Variants in ZC3H6 observed in about 807,000 individuals in gnomAD.
ZC3H6 encodes zinc finger CCCH domain-containing protein 6.
Under a neutral mutation model 107.7 loss-of-function variants are expected in ZC3H6, and 40 were observed. The observed-to-expected ratio is 0.37, with a 90% CI of 0.29 to 0.48. The LOEUF is 0.48. Ranked by LOEUF, ZC3H6 falls within the 20% of genes least tolerant of loss-of-function variation. ZC3H6 has a pLI of 0.98. For synonymous variants in ZC3H6, 493 were observed against 487.9 expected (o/e 1.01, Z -0.14); for missense variants, 1,267 against 1,410.4 (o/e 0.90, Z 1.63).
intron 5 of ZC3H6, among the ~76,000 whole-genome samples, chr2:112,316,233 A>G (rs1375668371): frequency 6.6e-6 from 1 of 150,836 alleles, no homozygotes; most frequent in African/African-American, 2.5e-5. Context: ...ATTTTATTTA[A>G]AAAGTTATTC....
In ZC3H6 at chr2:112,324,762, G is replaced by A. The variant is rs1676876340; in HGVS notation, c.1852+99G>A. 4.7e-6 allele frequency: 6 copies of A among 1,273,692 alleles called. No homozygotes were observed. The South Asian group carries it at 4.8e-5, about 10-fold the overall frequency. The allele number at this position is 1,273,692 out of a possible 1,614,324, so 78.9% of individuals were successfully genotyped here. Reference sequence around the variant, plus strand: ...AAACGTAAGTTTTAAGTAAAGCTGAGTAAAATTGATAAGATTGAAACCTTA... The same window carrying A: ...AAACGTAAGTTTTAAGTAAAGCTGAATAAAATTGATAAGATTGAAACCTTA... On this transcript the variant is annotated intron_variant, in intron 10 of 11. Transcript: ENST00000409871.
chr2:112,305,767 A>T (rs1402744771), intron 3 of ZC3H6, among the ~76,000 whole-genome samples: 3 of 152,164 alleles, frequency 2.0e-5, no homozygotes, highest in Non-Finnish European at 4.4e-5. Context: ...TGTTTATTTT[A>T]TCCTCATTTT....
chr2:112,311,705 T>C, intron 4 of ZC3H6, 99 bp from the exon 5 acceptor site: 1 of 1,085,790 alleles, frequency 9.2e-7, no homozygotes. Context: ...GAATGCACTG[T>C]ATATTATAGA....
intron 1 of ZC3H6, among the ~76,000 whole-genome samples, chr2:112,297,903 T>G (rs1676272894): frequency 8.5e-5 from 13 of 152,254 alleles, no homozygotes; most frequent in Admixed American, 8.5e-4. Context: ...TCACTTGAGG[T>G]CAGGAGTTTG....
rs1306965006 is a variant in ZC3H6 at position 112,275,612 on chromosome 2, C to T, written c.-383C>T. Reference sequence around the variant, plus strand: ...TGCGGCCGGCGCCATTTTCTCGAGCCGCCTGTTTCGGGTGCCGCCATGTTG... The same window carrying T: ...TGCGGCCGGCGCCATTTTCTCGAGCTGCCTGTTTCGGGTGCCGCCATGTTG... On this transcript the variant is annotated 5_prime_UTR_variant, in exon 1 of 12. Coordinates refer to ENST00000409871, the MANE Select transcript of ZC3H6 (RefSeq NM_198581.3). 2.5e-6 allele frequency: 1 copy of T among 401,064 alleles called. No homozygotes were observed. Among genetic ancestry groups the T allele is most frequent in the African/African-American group, 2.1e-5 (1 of 48,606 alleles). 24.8% of individuals were successfully genotyped at this position (401,064 alleles called of 1,614,324 possible).
chr2:112,295,766 A>T (rs943757071), intron 1 of ZC3H6, among the ~76,000 whole-genome samples: 5 of 152,230 alleles, frequency 3.3e-5, no homozygotes, highest in South Asian at 2.1e-4. Flanking sequence ...ACTAAAAAAA[A>T]TTTTAAAAGC....
chr2:112,301,699 A>G (rs1420567082), intron 2 of ZC3H6, among the ~76,000 whole-genome samples: 3 of 152,164 alleles, frequency 2.0e-5, no homozygotes, highest in Non-Finnish European at 1.5e-5. Flanking sequence ...AGAAAACAAT[A>G]TAAGCTATGC....
intron 2 of ZC3H6, among the ~76,000 whole-genome samples, chr2:112,301,574 T>C (rs4450606): frequency 0.51 from 77,508 of 151,994 alleles, 21,958 homozygotes; most frequent in East Asian, 0.77. Flanking sequence ...TCACATTCCA[T>C]AGTTGTTATT....
intron 1 of ZC3H6, among the ~76,000 whole-genome samples, chr2:112,299,579 T>G (rs1299919381): frequency 6.6e-6 from 1 of 152,196 alleles, no homozygotes; most frequent in Non-Finnish European, 1.5e-5. Flanking sequence ...AATCAGTGAT[T>G]TTAATCTAAG....
intron 8 of ZC3H6, 127 bp downstream of exon 8, chr2:112,321,992 A>G (rs189035847): frequency 7.5e-5 from 36 of 478,460 alleles, no homozygotes; most frequent in African/African-American, 6.1e-4. Flanking sequence ...ATTTTATTCT[A>G]TTTGAGCAAT....
At chr2:112,282,355 T>G (rs531016295) in intron 1 of ZC3H6, among the ~76,000 whole-genome samples, 27 of 152,342 alleles carry the variant, frequency 1.8e-4, no homozygotes, top group African/African-American at 6.3e-4. Flanking sequence ...TAGAAACTGA[T>G]CAGTGTCAGA....
rs1334063375 is a variant in ZC3H6 at position 112,331,886 on chromosome 2, C to T, written c.2968C>T (p.His990Tyr). 6.2e-7 allele frequency: 1 copy of T among 1,613,980 alleles called. No individual in the cohort carries two copies. The highest frequency in any genetic ancestry group is 8.5e-7 in the Non-Finnish European group (1 of 1,179,886). The change falls in exon 12 of 12, where the codon CAT becomes TAT. Residue 990 changes from histidine to tyrosine, a missense_variant. Physicochemically the swap from His to Tyr is moderately conservative, Grantham distance 83. This residue lies in a region of ZC3H6 where 925 missense variants were observed against 1,025.7 expected (regional missense o/e 0.90). Transcript: ENST00000409871. ...TCATCAAGTGGTTATGAAGGATTCA[C>T]ATGCATCAAAGGGTGCCCCTCACTT... Reference protein sequence around the residue: ...ESHQVVMKDSHASKGAPHLPR... With the variant: ...ESHQVVMKDSYASKGAPHLPR...
intron 1 of ZC3H6, among the ~76,000 whole-genome samples, chr2:112,292,691 C>T (rs1285375309): frequency 6.6e-6 from 1 of 152,140 alleles, no homozygotes; most frequent in Non-Finnish European, 1.5e-5. Context: ...CTTGGTGTAC[C>T]ATTAAGCAAT....
chr2:112,322,159 C>T (rs571156770), intron 8 of ZC3H6, among the ~76,000 whole-genome samples: 1 of 149,382 alleles, frequency 6.7e-6, no homozygotes, highest in East Asian at 2.0e-4. Flanking sequence ...TTCCTCCCTC[C>T]CTCCCTCTTG....
intron 1 of ZC3H6, among the ~76,000 whole-genome samples, chr2:112,289,500 A>AT (rs1381497440): frequency 5.6e-5 from 8 of 141,688 alleles, no homozygotes; most frequent in African/African-American, 2.1e-4. Context: ...GATTTATTGT[A>AT]TTTTTTAGTA....
At chr2:112,276,990 A>G (rs965001068) in intron 1 of ZC3H6, among the ~76,000 whole-genome samples, 2 of 150,296 alleles carry the variant, frequency 1.3e-5, no homozygotes, top group Non-Finnish European at 2.9e-5. Context: ...ACTATAGACT[A>G]TATACATTGC....
At chr2:112,324,807 A>G in intron 10 of ZC3H6, 144 bp downstream of exon 10, 1 of 1,152,436 alleles carries the variant, frequency 8.7e-7, no homozygotes, top group Non-Finnish European at 1.2e-6. Context: ...CAGTTTGCCA[A>G]ACTTTTGAAA....
Position 112,331,123 on chromosome 2 carries a change from A to G in ZC3H6, c.2205A>G (p.Thr735=). ...ETLRNQQQPS[T]ELSTPTDPRL... ...TAAGGAATCAGCAACAACCTTCCAC[A>G]GAACTCAGCACTCCTACTGATCCAA... The change falls in exon 12 of 12, where the codon ACA becomes ACG. Residue 735 remains threonine (T), a synonymous_variant. Transcript: ENST00000409871. The G allele has an allele frequency of 6.2e-7, 1 of 1,613,570 alleles. No homozygotes were observed. Among genetic ancestry groups the G allele is most frequent in the Non-Finnish European group, 8.5e-7 (1 of 1,179,712 alleles).
At chr2:112,308,683 C>A (rs1676537138) in intron 3 of ZC3H6, among the ~76,000 whole-genome samples, 1 of 149,954 alleles carries the variant, frequency 6.7e-6, no homozygotes, top group Non-Finnish European at 1.5e-5. Context: ...CCACCTGCCT[C>A]AGCCTCCCAA....
Sources: gnomAD v4.1 joint callset for allele counts (sites outside exome capture counted in the v4.1 genomes callset) on GRCh38, gnomAD v4.1.1 for gene constraint, gnomAD v4.1.1 regional missense constraint, MANE v1.5 for transcripts, NCBI Gene and HGNC (gene_info 2026-07-23, HGNC 2026-07-21) for gene names.